The following EFCC1 variants were observed in gnomAD, a reference collection of about 807,000 sequenced individuals.
EFCC1 encodes EF-hand and coiled-coil domain containing 1, also known as EF-hand and coiled-coil domain-containing protein 1.
Under a neutral mutation model 52.1 loss-of-function variants are expected in EFCC1, and 50 were observed. The observed-to-expected ratio is 0.96, with a 90% confidence interval of 0.76 to 1.21. EFCC1 has a LOEUF of 1.21. Among genes scored for constraint, EFCC1 ranks in the 50% most tolerant of loss-of-function variants. The pLI, the probability that EFCC1 is intolerant of heterozygous loss-of-function variation, is 0.00. For missense variants in EFCC1, 837 were observed against 867.3 expected (o/e 0.97, Z 0.44); for synonymous variants, 399 against 396.5 (o/e 1.01, Z -0.08).
chr3:129,011,288 C>T (rs776247016), intron 2 of EFCC1, among the ~76,000 whole-genome samples: 8 of 152,256 alleles, frequency 5.3e-5, no homozygotes, highest in Admixed American at 2.0e-4. Flanking sequence ...TGGTGGCTCA[C>T]GCCTGTAATC....
intron 2 of EFCC1, among the ~76,000 whole-genome samples, chr3:129,026,911 CAG>C (rs1293851443): frequency 6.6e-6 from 1 of 152,204 alleles, no homozygotes; most frequent in Non-Finnish European, 1.5e-5. Flanking sequence ...TTTTATGAAT[CAG>C]AGTCATGGGC....
chr3:129,039,047 CT>C, intron 7 of EFCC1, 147 bp downstream of exon 7: 1 of 750,196 alleles, frequency 1.3e-6, no homozygotes, highest in Non-Finnish European at 2.2e-6. Flanking sequence ...GCTGAAGGGG[CT>C]TTTAGCAAGA....
At chr3:129,002,558 A>C in intron 1 of EFCC1, 1 of 786,348 alleles carries the variant, frequency 1.3e-6, no homozygotes. Flanking sequence ...CCCCAATCAC[A>C]CTCAAACAAC....
chr3:129,032,631 A>G (rs1219884054), intron 3 of EFCC1, among the ~76,000 whole-genome samples, 188 bp from the exon 4 acceptor site: 1 of 152,192 alleles, frequency 6.6e-6, no homozygotes, highest in Non-Finnish European at 1.5e-5. Flanking sequence ...GGCTGGTCAC[A>G]TTACAAGGAG....
At chr3:129,028,844 T>C (rs1004229688) in intron 2 of EFCC1, among the ~76,000 whole-genome samples, 4 of 152,116 alleles carry the variant, frequency 2.6e-5, no homozygotes, top group Non-Finnish European at 5.9e-5. Flanking sequence ...GGTTTCACCA[T>C]GTTGGCCAGG....
In EFCC1 at chr3:129,020,527, C is replaced by T. The variant is rs1454361598; in HGVS notation, c.981-10176C>T. Among the ~76,000 whole-genome samples, 6 of 152,142 alleles carry T rather than the reference C, an allele frequency of 3.9e-5. No individual in the cohort carries two copies. In the East Asian group the frequency reaches 1.2e-3, roughly 29 times the overall value. On this transcript the variant is annotated intron_variant, in intron 2 of 7. Transcript: ENST00000683648. ...TGGCCTGCACCTGTGGTCCCAGCTA[C>T]TGAGGAGGCTGAGGTGGGAGGATCA... is the stretch of plus-strand genomic sequence containing the variant.
At chr3:129,038,793 A>G (rs942137624) in intron 6 of EFCC1, 38 bp from the exon 7 acceptor site, 6 of 1,605,292 alleles carry the variant, frequency 3.7e-6, no homozygotes, top group Non-Finnish European at 4.3e-6. Flanking sequence ...GGACACAGCA[A>G]CCAGTCTAAT....
Position 129,005,656 on chromosome 3 carries a change from G to T in EFCC1, c.980+1579G>T, listed in dbSNP as rs1945040779. On this transcript the variant is annotated intron_variant, in intron 2 of 7. Transcript: ENST00000683648. ...TGCCATCCCTGATCCTGAGAGGAAG[G>T]TGGTCTAGCCCAGGCTGGGGGTGGA... Among the ~76,000 whole-genome samples, 3 of 152,260 alleles carry T rather than the reference G, an allele frequency of 2.0e-5. No individual in the cohort carries two copies. The South Asian group carries it at 6.2e-4, about 31-fold the overall frequency.
At chr3:129,017,546 C>T (rs1374094025) in intron 2 of EFCC1, among the ~76,000 whole-genome samples, 1 of 152,226 alleles carries the variant, frequency 6.6e-6, no homozygotes, top group Admixed American at 6.5e-5. Context: ...GGCCGTGGGA[C>T]CGAGGCCCTA....
Position 129,001,655 on chromosome 3 carries a change from G to T in EFCC1, c.27G>T (p.Glu9Asp). The change falls in exon 1 of 8, where the codon GAG becomes GAT. Residue 9 changes from glutamate (E) to aspartate (D), a missense_variant. Physicochemically the swap from Glu to Asp is conservative, Grantham distance 45. Coordinates refer to ENST00000683648, the MANE Select transcript of EFCC1 (RefSeq NM_001377500.1). MEPVSTGA[E>D]AGMEGAGGDP... ...TGGAGCCGGTCAGCACGGGCGCGGA[G>T]GCCGGCATGGAGGGCGCGGGAGGTG... The T allele has an allele frequency of 7.1e-7, 1 of 1,399,660 alleles. No individual in the cohort carries two copies. Among genetic ancestry groups the T allele is most frequent in the Non-Finnish European group, 9.3e-7 (1 of 1,080,474 alleles). 86.7% of individuals were successfully genotyped at this position (1,399,660 alleles called of 1,614,324 possible).
chr3:129,003,996 G>C lies in EFCC1; in HGVS notation c.899G>C (p.Arg300Pro), dbSNP rs1221621631. The C allele has an allele frequency of 6.7e-7, 1 of 1,501,996 alleles. No individual in the cohort carries two copies. Among genetic ancestry groups the C allele is most frequent in the South Asian group, 1.2e-5 (1 of 82,042 alleles). 93.0% of individuals were successfully genotyped at this position (1,501,996 alleles called of 1,614,324 possible). A position where few individuals can be genotyped will look rare whatever the true frequency, so the allele number is the denominator to read the frequency against. The part of the protein sequence containing the change: ...QVVLRSLHRV[R>P]ELEALAQQVP... ...GTGCTGCGCAGCCTGCACCGCGTGC[G>C]AGAGCTGGAGGCGCTGGCGCAACAG... is the stretch of plus-strand genomic sequence containing the variant. Residue 300 changes from arginine to proline, a missense_variant, in exon 2 of 8, where the codon CGA (arginine) becomes CCA (proline). Physicochemically the swap from Arg to Pro is moderately radical, Grantham distance 103. Transcript: ENST00000683648.
At position 129,014,863 on chromosome 3, in the gene EFCC1, A is replaced by G. The variant is rs1361529497; in HGVS notation, c.980+10786A>G. On this transcript the variant is annotated intron_variant, in intron 2 of 7. Transcript: ENST00000683648. The surrounding 1 kb of genome is among the most constrained non-coding windows in gnomAD (Gnocchi z 4.3). ...GCCGAGGGGCCAGTGAGGAGGGGCC[A>G]GTGAGGAGGAGCAGGTGAAGAGCCC... 2.6e-5 allele frequency among the ~76,000 whole-genome samples: 4 copies of G among 152,136 alleles called. No individual in the cohort carries two copies. The highest frequency in any genetic ancestry group is 1.9e-4 in the East Asian group (1 of 5,180).
chr3:129,018,741 T>A (rs990554244), intron 2 of EFCC1, among the ~76,000 whole-genome samples: 5 of 152,190 alleles, frequency 3.3e-5, no homozygotes, highest in African/African-American at 1.2e-4. Flanking sequence ...CTTCAGGCAG[T>A]CCCTCCCCGG....
At chr3:129,036,894 C>T (rs529759129) in intron 5 of EFCC1, 83 bp from the exon 6 acceptor site, 19 of 1,602,590 alleles carry the variant, frequency 1.2e-5, no homozygotes, top group African/African-American at 6.7e-5. Flanking sequence ...GCACCAGCCT[C>T]GGGGAGATGG....
chr3:129,002,409 CAG>C (rs1944833184), intron 1 of EFCC1, 85 bp downstream of exon 1: 3 of 1,438,402 alleles, frequency 2.1e-6, no homozygotes, highest in Non-Finnish European at 2.7e-6. Context: ...CCCGACAGGA[CAG>C]AGTCAGAGGA....
Position 129,039,613 on chromosome 3 carries a change from C to G in EFCC1, c.1664-99C>G, listed in dbSNP as rs999814125. ...TGGGCAGGGCTGGGGAGGGGCACAGCGGGTAAGAGTGGCTGGGTCTCAGGA... is the reference window on the plus strand; with the variant it reads ...TGGGCAGGGCTGGGGAGGGGCACAGGGGGTAAGAGTGGCTGGGTCTCAGGA... On this transcript the variant is annotated intron_variant, in intron 7 of 7. Transcript: ENST00000683648. The G allele has an allele frequency of 3.4e-6, 5 of 1,490,538 alleles. No individual in the cohort carries two copies. The African/African-American group carries it at 7.0e-5, about 21-fold the overall frequency. 92.3% of individuals were successfully genotyped at this position (1,490,538 alleles called of 1,614,324 possible).
At chr3:129,024,526 G>A (rs1418521110) in intron 2 of EFCC1, among the ~76,000 whole-genome samples, 1 of 149,356 alleles carries the variant, frequency 6.7e-6, no homozygotes, top group African/African-American at 2.5e-5. Context: ...GCAAGACTCC[G>A]TCGCAAAAAA....
chr3:129,031,352 G>A (rs1946269173), intron 3 of EFCC1, among the ~76,000 whole-genome samples: 4 of 152,144 alleles, frequency 2.6e-5, no homozygotes, highest in Admixed American at 2.6e-4. Flanking sequence ...GAGGCAGAAG[G>A]ATCACTTGAG....
intron 1 of EFCC1, chr3:129,002,603 C>A (rs1482976035): frequency 3.9e-6 from 2 of 509,414 alleles, no homozygotes; most frequent in East Asian, 7.3e-5. Context: ...GCCACATCAT[C>A]GCGTCTTGCC....
Sources: gnomAD v4.1 joint callset for allele counts (sites outside exome capture counted in the v4.1 genomes callset) on GRCh38, gnomAD v4.1.1 for gene constraint, Gnocchi (gnomAD v3.1) non-coding constraint, MANE v1.5 for transcripts, NCBI Gene and HGNC (gene_info 2026-07-23, HGNC 2026-07-21) for gene names.